The following TNIK variants were observed in gnomAD, a reference collection of about 807,000 sequenced individuals.
The protein encoded by TNIK is TRAF2 and NCK interacting kinase, also known as TRAF2 and NCK-interacting protein kinase.
A neutral mutation model predicts 191.3 loss-of-function variants in TNIK; 49 were observed. The ratio of observed to expected loss-of-function variants is 0.26; its 90% CI spans 0.20 to 0.32. TNIK has a LOEUF of 0.32. Ranked by LOEUF, TNIK falls within the 10% of genes least tolerant of loss-of-function variation. TNIK has a pLI of 1.00. For synonymous variants in TNIK, 594 were observed against 600.9 expected, an observed-to-expected ratio of 0.99 and a Z score of 0.17; for missense variants, 1,155 against 1,702.3, an observed-to-expected ratio of 0.68 and a Z score of 5.66.
chr3:171,413,109 C>T (rs886180061), intron 1 of TNIK, among the ~76,000 whole-genome samples: 2 of 152,198 alleles, frequency 1.3e-5, no homozygotes, highest in African/African-American at 4.8e-5. Context: ...AAACAATGTG[C>T]ATTTTCCTTT....
At chr3:171,413,036 T>A (rs926019176) in intron 1 of TNIK, among the ~76,000 whole-genome samples, 1 of 152,202 alleles carries the variant, frequency 6.6e-6, no homozygotes, top group African/African-American at 2.4e-5. Flanking sequence ...CAACTCCTCT[T>A]TTTAAACACG....
At position 171,285,782 on chromosome 3, in the gene TNIK, C is replaced by CTTGTGTGT. The variant is rs555720726; in HGVS notation, c.124-57569_124-57562dup. On this transcript the variant is annotated intron_variant, in intron 2 of 32. Transcript: ENST00000436636. ...TGTATATTACAATCACTTGAAAGTT[C>CTTGTGTGT]TTGTGTGTTTTTTTAACTGCCATCT... Among the ~76,000 whole-genome samples, 44 of 152,312 alleles carry CTTGTGTGT rather than the reference C, an allele frequency of 2.9e-4. No homozygotes were observed. The South Asian group carries it at 7.7e-3, about 27-fold the overall frequency.
At chr3:171,397,511 A>T (rs1381614291) in intron 1 of TNIK, among the ~76,000 whole-genome samples, 1 of 152,208 alleles carries the variant, frequency 6.6e-6, no homozygotes, top group Non-Finnish European at 1.5e-5. Context: ...CTGGAATGAA[A>T]ACATGCTGAC....
chr3:171,144,665 T>C (rs1481336917), intron 12 of TNIK, among the ~76,000 whole-genome samples: 2 of 152,362 alleles, frequency 1.3e-5, no homozygotes, highest in Admixed American at 6.5e-5. Context: ...TTTTGAAATA[T>C]GTAATACATT....
At chr3:171,393,857 T>C (rs1446766469) in intron 1 of TNIK, among the ~76,000 whole-genome samples, 1 of 152,210 alleles carries the variant, frequency 6.6e-6, no homozygotes, top group Non-Finnish European at 1.5e-5. Context: ...CATGCATTCT[T>C]TTGACCGATA....
chr3:171,215,702 G>A (rs1433142009), intron 3 of TNIK, among the ~76,000 whole-genome samples: 2 of 151,716 alleles, frequency 1.3e-5, no homozygotes, highest in African/African-American at 4.9e-5. Flanking sequence ...AATAATATTT[G>A]CTTATGATTG....
At chr3:171,169,082 A>G (rs1158358008) in intron 9 of TNIK, among the ~76,000 whole-genome samples, 1 of 152,212 alleles carries the variant, frequency 6.6e-6, no homozygotes, top group Non-Finnish European at 1.5e-5. Context: ...AATGAATTGA[A>G]GAGAATGAGG....
intron 28 of TNIK, among the ~76,000 whole-genome samples, chr3:171,074,554 A>AT (rs1719648112): frequency 6.6e-6 from 1 of 152,136 alleles, no homozygotes; most frequent in Admixed American, 6.5e-5. Flanking sequence ...GATTTTGCTG[A>AT]TTTTCAGGGT....
intron 18 of TNIK, among the ~76,000 whole-genome samples, chr3:171,113,876 C>T (rs941028285): frequency 6.6e-6 from 1 of 151,466 alleles, no homozygotes; most frequent in Non-Finnish European, 1.5e-5. Flanking sequence ...AGCACAGAGC[C>T]ATATGGAAGC....
intron 1 of TNIK, among the ~76,000 whole-genome samples, chr3:171,430,586 C>A (rs1165728511): frequency 1.4e-5 from 2 of 144,518 alleles, no homozygotes; most frequent in African/African-American, 5.1e-5. Context: ...TTGCAGTGAA[C>A]TAAGATTGTG....
chr3:171,378,273 T>C (rs927213174), intron 1 of TNIK, among the ~76,000 whole-genome samples: 9 of 152,204 alleles, frequency 5.9e-5, no homozygotes, highest in Admixed American at 2.0e-4. Flanking sequence ...TATAGCATAA[T>C]AGTGAAAACC....
At chr3:171,399,488 T>C (rs1720644777) in intron 1 of TNIK, among the ~76,000 whole-genome samples, 1 of 152,106 alleles carries the variant, frequency 6.6e-6, no homozygotes, top group Non-Finnish European at 1.5e-5. Flanking sequence ...CTGCTCAAGG[T>C]TATTAAATGT....
chr3:171,188,932 A>G (rs1171713010), intron 6 of TNIK, 100 bp from the exon 7 acceptor site: 1 of 1,421,266 alleles, frequency 7.0e-7, no homozygotes, highest in Non-Finnish European at 9.6e-7. Flanking sequence ...CATAAGTAAC[A>G]TAAAGTGTAC....
intron 1 of TNIK, among the ~76,000 whole-genome samples, chr3:171,401,057 G>T (rs1352097841): frequency 6.6e-6 from 1 of 152,158 alleles, no homozygotes; most frequent in Non-Finnish European, 1.5e-5. Flanking sequence ...ACAGGGAAAA[G>T]GGGGTCAATG....
At chr3:171,140,876 C>G (rs1294623742) in intron 12 of TNIK, among the ~76,000 whole-genome samples, 1 of 152,172 alleles carries the variant, frequency 6.6e-6, no homozygotes, top group Non-Finnish European at 1.5e-5. Context: ...CTTCACAATG[C>G]TTAAGTCATT....
intron 1 of TNIK, among the ~76,000 whole-genome samples, chr3:171,443,572 A>C (rs1468385950): frequency 6.6e-6 from 1 of 152,048 alleles, no homozygotes; most frequent in African/African-American, 2.4e-5. Flanking sequence ...ACTGGCTCCT[A>C]CCTGTAATCC....
At chr3:171,183,851 G>A (rs1423532203) in intron 7 of TNIK, among the ~76,000 whole-genome samples, 1 of 148,882 alleles carries the variant, frequency 6.7e-6, no homozygotes, top group Non-Finnish European at 1.5e-5. Flanking sequence ...AACCCAGGAG[G>A]CAGAGGTTGC....
chr3:171,093,785 TA>T, intron 23 of TNIK, 53 bp downstream of exon 23: 2 of 1,601,624 alleles, frequency 1.2e-6, no homozygotes, highest in Middle Eastern at 1.7e-4. Flanking sequence ...AGCTTTAATG[TA>T]AAAACCACTG....
intron 3 of TNIK, among the ~76,000 whole-genome samples, chr3:171,222,393 GTACTAAGTAC>G (rs1269457664): frequency 6.6e-6 from 1 of 152,012 alleles, no homozygotes. Flanking sequence ...GATTAAATGA[GTACTAAGTAC>G]TCATTTAAGT....
Sources: gnomAD v4.1 joint callset for allele counts (sites outside exome capture counted in the v4.1 genomes callset) on GRCh38, gnomAD v4.1.1 for gene constraint, MANE v1.5 for transcripts, NCBI Gene and HGNC (gene_info 2026-07-23, HGNC 2026-07-21) for gene names.